The following SEMA6D variants were observed in gnomAD, a reference collection of about 807,000 sequenced individuals.
The protein encoded by SEMA6D is semaphorin 6D.
SEMA6D carries 35 observed loss-of-function variants against 106.6 expected under a neutral mutation model. The observed-to-expected ratio is 0.33, with a 90% CI of 0.25 to 0.44. The LOEUF (loss-of-function observed/expected upper bound fraction) is 0.44. Ranked by LOEUF, SEMA6D falls within the 20% of genes least tolerant of loss-of-function variation. The probability of loss-of-function intolerance (pLI) is 1.00; values close to 1 mark genes in which losing one functional copy is unlikely to be tolerated. For synonymous variants in SEMA6D, 499 were observed against 487.7 expected (o/e 1.02, Z -0.31); for missense variants, 1,185 against 1,345.9 (o/e 0.88, Z 1.87).
chr15:47,587,588 T>C (rs968368431), intron 3 of SEMA6D, among the ~76,000 whole-genome samples: 1 of 152,142 alleles, frequency 6.6e-6, no homozygotes, highest in Non-Finnish European at 1.5e-5. Flanking sequence ...TGGCACATGT[T>C]TTCTCTAAAG....
intron 3 of SEMA6D, among the ~76,000 whole-genome samples, chr15:47,500,517 A>G (rs1391715000): frequency 1.3e-5 from 2 of 152,188 alleles, no homozygotes; most frequent in Non-Finnish European, 2.9e-5. Context: ...AACAGACATC[A>G]TACAAATTTT....
At chr15:47,266,261 A>G (rs146304551) in intron 1 of SEMA6D, among the ~76,000 whole-genome samples, 82 of 151,720 alleles carry the variant, frequency 5.4e-4, no homozygotes, top group African/African-American at 2.0e-3. Context: ...AGCCCCTTAG[A>G]CTTGAACTTC....
At chr15:47,301,863 A>G (rs1287424092) in intron 1 of SEMA6D, among the ~76,000 whole-genome samples, 1 of 152,232 alleles carries the variant, frequency 6.6e-6, no homozygotes, top group African/African-American at 2.4e-5. Flanking sequence ...CAAACTCTGA[A>G]GGAGAGAAAA....
chr15:47,711,919 G>A (rs966389180), intron 4 of SEMA6D, among the ~76,000 whole-genome samples: 2 of 152,100 alleles, frequency 1.3e-5, no homozygotes, highest in Non-Finnish European at 2.9e-5. Context: ...GGGGTTTTTG[G>A]GTGTAAAACA....
intron 1 of SEMA6D, among the ~76,000 whole-genome samples, chr15:47,226,322 T>C (rs903939961): frequency 1.3e-5 from 2 of 152,034 alleles, no homozygotes; most frequent in Admixed American, 1.3e-4. Flanking sequence ...ACAATAAGTT[T>C]CTGTTGTGTA....
intron 3 of SEMA6D, among the ~76,000 whole-genome samples, chr15:47,568,016 T>C (rs1460643061): frequency 6.6e-6 from 1 of 152,170 alleles, no homozygotes; most frequent in African/African-American, 2.4e-5. Flanking sequence ...TGTGCTATTA[T>C]TTAACCCCAG....
At position 47,760,430 on chromosome 15, in the gene SEMA6D, A is replaced by C; in HGVS notation, c.221+15A>C. The C allele has an allele frequency of 1.0e-5, 16 of 1,584,510 alleles. No homozygotes were observed. Among genetic ancestry groups the C allele is most frequent in the Non-Finnish European group, 1.4e-5 (16 of 1,154,056 alleles). On this transcript the variant is annotated intron_variant, in intron 3 of 18. Coordinates refer to ENST00000536845, the MANE Select transcript of SEMA6D (RefSeq NM_001358351.3). ...ATTGCTGGCAGGTAATTTTCCTCTC[A>C]TTGGTTTATTAGATTAAAATTCTTT...
chr15:47,486,922 T>C (rs182336003), intron 3 of SEMA6D, among the ~76,000 whole-genome samples: 13 of 152,306 alleles, frequency 8.5e-5, no homozygotes, highest in African/African-American at 3.1e-4. Flanking sequence ...ACTGTTTAAC[T>C]TTCCCAGAAC....
intron 1 of SEMA6D, among the ~76,000 whole-genome samples, chr15:47,349,041 G>T (rs912755253): frequency 6.6e-6 from 1 of 152,066 alleles, no homozygotes; most frequent in Admixed American, 6.6e-5. Context: ...AGGGACCAGG[G>T]CATCCATGGG....
intron 3 of SEMA6D, among the ~76,000 whole-genome samples, chr15:47,540,872 C>A (rs1355398448): frequency 1.3e-5 from 2 of 152,066 alleles, no homozygotes; most frequent in African/African-American, 4.8e-5. Context: ...ACAGAGAGTA[C>A]AATTTTTCTA....
intron 2 of SEMA6D, among the ~76,000 whole-genome samples, chr15:47,431,172 A>G (rs1484915415): frequency 6.6e-6 from 1 of 152,188 alleles, no homozygotes; most frequent in Non-Finnish European, 1.5e-5. Flanking sequence ...ATGGATGGCT[A>G]TTTGTATGCA....
intron 1 of SEMA6D, among the ~76,000 whole-genome samples, chr15:47,754,602 T>C (rs2081612301): frequency 1.3e-5 from 2 of 152,212 alleles, no homozygotes; most frequent in African/African-American, 4.8e-5. Context: ...TTTACTATGA[T>C]GTGTCTAACT....
At chr15:47,756,199 G>T (rs1427045785) in intron 1 of SEMA6D, among the ~76,000 whole-genome samples, 1 of 152,196 alleles carries the variant, frequency 6.6e-6, no homozygotes, top group African/African-American at 2.4e-5. Context: ...GTGTGAGGAA[G>T]ATGGTTTCCT....
chr15:47,242,908 G>T (rs370958368), intron 1 of SEMA6D, among the ~76,000 whole-genome samples: 1 of 152,018 alleles, frequency 6.6e-6, no homozygotes, highest in Admixed American at 6.6e-5. Flanking sequence ...AGAGAACTGA[G>T]GTTAACCCCT....
chr15:47,511,660 T>C (rs772444287), intron 3 of SEMA6D, among the ~76,000 whole-genome samples: 3 of 152,224 alleles, frequency 2.0e-5, no homozygotes, highest in Admixed American at 6.5e-5. Context: ...TGTGTTAAAA[T>C]GAATACCTAA....
intron 2 of SEMA6D, among the ~76,000 whole-genome samples, chr15:47,432,794 CTG>C (rs1379243538): frequency 6.6e-6 from 1 of 152,090 alleles, no homozygotes; most frequent in African/African-American, 2.4e-5. Context: ...AGGAGAACCA[CTG>C]TGTGGAAAAA....
At chr15:47,349,112 CTT>C (rs59705051) in intron 1 of SEMA6D, among the ~76,000 whole-genome samples, 4 of 147,652 alleles carry the variant, frequency 2.7e-5, no homozygotes, top group Admixed American at 6.7e-5. Context: ...TGAGGCTTAC[CTT>C]TTTTTTTTTT....
chr15:47,224,344 C>T (rs1039163214), intron 1 of SEMA6D, among the ~76,000 whole-genome samples: 8 of 152,046 alleles, frequency 5.3e-5, no homozygotes, highest in Non-Finnish European at 2.9e-5. Context: ...TTTCTATCCT[C>T]TGTGCTATGG....
intron 1 of SEMA6D, chr15:47,393,382 G>T (rs912972511): frequency 3.9e-5 from 6 of 152,160 alleles, no homozygotes; most frequent in Admixed American, 1.3e-4. Flanking sequence ...TTTCTTTTCT[G>T]TGAAAGTCTT....
Sources: allele counts gnomAD v4.1 joint callset (sites outside exome capture counted in the v4.1 genomes callset), GRCh38; gene constraint gnomAD v4.1.1; transcripts MANE v1.5; gene names NCBI Gene and HGNC (gene_info 2026-07-23, HGNC 2026-07-21).